Variants in RSF1 observed in about 807,000 individuals in gnomAD.
RSF1 encodes HBV pX-associated protein 8.
RSF1 carries 13 observed loss-of-function variants against 145.2 expected under a neutral mutation model. The ratio of observed to expected loss-of-function variants is 0.09; its 90% CI spans 0.06 to 0.14. RSF1 has a LOEUF of 0.14. Among genes scored for constraint, RSF1 ranks in the 10% least tolerant of loss-of-function variants. The pLI is 1.00. For missense variants in RSF1, 1,517 were observed against 1,718.2 expected (o/e 0.88, Z 2.07); for synonymous variants, 577 against 592.6 (o/e 0.97, Z 0.38).
chr11:77,697,083 T>C (rs1391914985), intron 7 of RSF1, among the ~76,000 whole-genome samples: 2 of 152,094 alleles, frequency 1.3e-5, no homozygotes, highest in Admixed American at 6.6e-5. Context: ...AGTCCCACCT[T>C]ACAATAAAGA....
At chr11:77,806,766 C>T (rs4469913) in intron 1 of RSF1, among the ~76,000 whole-genome samples, 1 of 151,232 alleles carries the variant, frequency 6.6e-6, no homozygotes, top group Non-Finnish European at 1.5e-5. Flanking sequence ...ATTAAAAAAA[C>T]AAAAATTAAA....
chr11:77,837,999 G>A, the RSF1 span, among the ~76,000 whole-genome samples: 6 of 152,172 alleles, frequency 3.9e-5, no homozygotes, highest in African/African-American at 1.4e-4. Context: ...CTGGAGCCCA[G>A]GGGCTTGAGG....
At chr11:77,862,504 C>A in the RSF1 span, among the ~76,000 whole-genome samples, 1 of 152,146 alleles carries the variant, frequency 6.6e-6, no homozygotes, top group Non-Finnish European at 1.5e-5. Context: ...TTGGAGAGGG[C>A]ATAATTGGGG....
At chr11:77,825,043 C>T (rs1949104835), upstream of RSF1, among the ~76,000 whole-genome samples, 2 of 152,222 alleles carry the variant, frequency 1.3e-5, no homozygotes, top group East Asian at 1.9e-4. Flanking sequence ...TGCAGTGACG[C>T]GATCTCAGCT....
chr11:77,734,226 T>C (rs1961279301), intron 4 of RSF1, among the ~76,000 whole-genome samples: 1 of 147,252 alleles, frequency 6.8e-6, no homozygotes, highest in Non-Finnish European at 1.5e-5. Flanking sequence ...TTGTTTCAAC[T>C]TAAAGTATAA....
intron 14 of RSF1, 41 bp from the exon 15 acceptor site, chr11:77,672,271 C>A: frequency 6.7e-7 from 1 of 1,502,336 alleles, no homozygotes; most frequent in Non-Finnish European, 9.0e-7. Flanking sequence ...AAATTTAAGT[C>A]TATTTAGAAA....
chr11:77,826,249 C>T, the RSF1 span, among the ~76,000 whole-genome samples: 1 of 151,860 alleles, frequency 6.6e-6, no homozygotes, highest in Admixed American at 6.6e-5. Flanking sequence ...GTAGTCCCAG[C>T]TACTCGGGAG....
chr11:77,771,074 T>A (rs1948280196), intron 1 of RSF1, among the ~76,000 whole-genome samples: 1 of 151,826 alleles, frequency 6.6e-6, no homozygotes, highest in Admixed American at 6.6e-5. Context: ...AATTTAACGA[T>A]CATAGAGAGG....
At chr11:77,765,638 C>G (rs148659836) in intron 1 of RSF1, among the ~76,000 whole-genome samples, 2 of 152,202 alleles carry the variant, frequency 1.3e-5, no homozygotes, top group African/African-American at 4.8e-5. Flanking sequence ...AGATTCTCTG[C>G]TTTGACTGTA....
chr11:77,782,465 C>T (rs1948413689), intron 1 of RSF1, among the ~76,000 whole-genome samples: 1 of 151,820 alleles, frequency 6.6e-6, no homozygotes, highest in Non-Finnish European at 1.5e-5. Context: ...CGCATAAATC[C>T]AGGAGGTGGA....
chr11:77,823,190 G>A (rs1322717911), upstream of RSF1, among the ~76,000 whole-genome samples: 2 of 145,358 alleles, frequency 1.4e-5, no homozygotes. Flanking sequence ...ACTCCAGCCT[G>A]GGCGACAGAG....
At chr11:77,702,786 T>C (rs1271356417) in intron 5 of RSF1, 1 of 223,316 alleles carries the variant, frequency 4.5e-6, no homozygotes, top group Non-Finnish European at 8.6e-6. Flanking sequence ...TCAAATAATT[T>C]ATTCAAATTC....
Position 77,705,117 on chromosome 11 carries a change from T to C in RSF1, c.734-2622A>G, listed in dbSNP as rs1457732399. On this transcript the variant is annotated intron_variant, in intron 5 of 15. Coordinates refer to ENST00000308488, the MANE Select transcript of RSF1 (RefSeq NM_016578.4). ...TTCTAGCTCCTCTAAATTAAATAAA[T>C]ATGTTTCCAAAATAGTGTAGAGGAA... Among the ~76,000 whole-genome samples the C allele has an allele frequency of 2.6e-5, 4 of 152,266 alleles. No individual in the cohort carries two copies. The East Asian group carries it at 5.8e-4, about 22-fold the overall frequency.
At chr11:77,728,573 GAAAGGGAAGGGAAGGAA>G (rs1157251793) in intron 4 of RSF1, among the ~76,000 whole-genome samples, 2 of 151,046 alleles carry the variant, frequency 1.3e-5, no homozygotes, top group Non-Finnish European at 3.0e-5. Context: ...AAAGGAAGAG[GAAAGGGAAGGGAAGGAA>G]AAAGGGAAGG....
the RSF1 span, chr11:77,829,898 A>C: frequency 6.6e-6 from 1 of 152,252 alleles, no homozygotes; most frequent in Non-Finnish European, 1.5e-5. Flanking sequence ...TTTGGAGACC[A>C]AGGCCGGAGG....
At chr11:77,690,259 G>A (rs1448998068) in intron 9 of RSF1, among the ~76,000 whole-genome samples, 1 of 151,912 alleles carries the variant, frequency 6.6e-6, no homozygotes, top group Non-Finnish European at 1.5e-5. Context: ...CAGTCAGTAG[G>A]ACACAATTCA....
chr11:77,814,208 A>G (rs72935504), intron 1 of RSF1, among the ~76,000 whole-genome samples: 5 of 148,126 alleles, frequency 3.4e-5, no homozygotes, highest in Non-Finnish European at 7.4e-5. Flanking sequence ...AAAAAAAAAA[A>G]AAGTTTTGGC....
At chr11:77,809,033 A>G (rs1018237217) in intron 1 of RSF1, among the ~76,000 whole-genome samples, 1 of 152,170 alleles carries the variant, frequency 6.6e-6, no homozygotes, top group African/African-American at 2.4e-5. Context: ...TGGGGACAAA[A>G]CACTGGTTAA....
At chr11:77,691,373 C>T (rs1960145580) in intron 8 of RSF1, 135 bp from the exon 9 acceptor site, 2 of 678,918 alleles carry the variant, frequency 2.9e-6, no homozygotes. Flanking sequence ...TGAAGCTTTT[C>T]TTGTGTTTAA....
Sources: gnomAD v4.1 joint callset for allele counts (sites outside exome capture counted in the v4.1 genomes callset) on GRCh38, gnomAD v4.1.1 for gene constraint, MANE v1.5 for transcripts, NCBI Gene and HGNC (gene_info 2026-07-23, HGNC 2026-07-21) for gene names.